FRMD4A: variants seen among roughly 807,000 people sequenced by gnomAD.
The protein encoded by FRMD4A is FERM domain containing 4A, also known as FERM domain-containing protein 4A.
A neutral mutation model predicts 129.1 loss-of-function variants in FRMD4A; 29 were observed. The ratio of observed to expected loss-of-function variants is 0.22; its 90% CI spans 0.17 to 0.31. FRMD4A has a LOEUF of 0.31. Among genes scored for constraint, FRMD4A ranks in the 10% least tolerant of loss-of-function variants. The pLI is 1.00. For synonymous variants in FRMD4A, 634 were observed against 571.6 expected (o/e 1.11, Z -1.56); for missense variants, 1,272 against 1,375.8 (o/e 0.92, Z 1.19).
At chr10:14,173,543 G>T (rs1445927445) in intron 2 of FRMD4A, among the ~76,000 whole-genome samples, 1 of 152,238 alleles carries the variant, frequency 6.6e-6, no homozygotes, top group East Asian at 1.9e-4. Context: ...GGATTCCCTG[G>T]TCCTCCTGCT....
intron 23 of FRMD4A, chr10:13,653,153 G>GTGTT (rs1182437426): frequency 1.3e-5 from 2 of 152,076 alleles, no homozygotes; most frequent in African/African-American, 4.8e-5. Flanking sequence ...CACTCAGTAA[G>GTGTT]TGTTAGGACC....
At chr10:14,007,981 T>G (rs1451904218) in intron 2 of FRMD4A, 8 of 1,270,268 alleles carry the variant, frequency 6.3e-6, no homozygotes, top group Non-Finnish European at 8.3e-6. Flanking sequence ...GTAACAGAAG[T>G]AACGCGGTAT....
At chr10:13,786,376 G>T (rs1331232110) in intron 5 of FRMD4A, among the ~76,000 whole-genome samples, 4 of 152,206 alleles carry the variant, frequency 2.6e-5, no homozygotes, top group Non-Finnish European at 4.4e-5. Context: ...AGGCCAAGAT[G>T]TGTGGATCAA....
intron 2 of FRMD4A, among the ~76,000 whole-genome samples, chr10:14,183,150 C>G (rs1013388084): frequency 6.6e-6 from 1 of 152,118 alleles, no homozygotes; most frequent in African/African-American, 2.4e-5. Flanking sequence ...TAAGTGATCT[C>G]CAGATTATAT....
rs571176783 is a variant in FRMD4A, at chr10:14,283,660, T to C, written c.45+46398A>G. Among the ~76,000 whole-genome samples the C allele has an allele frequency of 2.6e-5, 4 of 152,314 alleles. No individual in the cohort carries two copies. The East Asian group carries it at 5.8e-4, about 22-fold the overall frequency. ...TCACCTCATAATTACAAGGATTCCTTTGATAATGTGTAATGTTGGCCTTCA... is the reference window on the plus strand; with the variant it reads ...TCACCTCATAATTACAAGGATTCCTCTGATAATGTGTAATGTTGGCCTTCA... On this transcript the variant is annotated intron_variant, in intron 2 of 24. Transcript: ENST00000357447.
intron 2 of FRMD4A, among the ~76,000 whole-genome samples, chr10:13,924,980 C>T (rs1312724333): frequency 1.4e-5 from 2 of 147,940 alleles, no homozygotes; most frequent in Admixed American, 1.4e-4. Context: ...AGGAGAATCA[C>T]TTGAACCTGG....
intron 11 of FRMD4A, 117 bp downstream of exon 11, chr10:13,740,077 A>T: frequency 1.4e-6 from 1 of 718,318 alleles, no homozygotes; most frequent in South Asian, 1.7e-5. Context: ...CCAGCCTGGG[A>T]GACAAAGCAA....
Position 13,659,460 on chromosome 10 carries a change from G to A in FRMD4A, c.1929C>T (p.Ser643=), listed in dbSNP as rs1408271702. ...SSHKRFPSTG[S]CAEAGGGSNS... ...TGCTTCCTCCGCCGGCTTCCGCACA[G>A]CTTCCTGTGCTGGGGAAGCGCTTGT... Residue 643 remains serine (S), a synonymous_variant, in exon 21 of 25, where the codon AGC becomes AGT. Transcript: ENST00000357447. 6.2e-7 allele frequency: 1 copy of A among 1,613,696 alleles called. No homozygotes were observed. The highest frequency in any genetic ancestry group is 8.5e-7 in the Non-Finnish European group (1 of 1,179,934).
At chr10:14,016,306 T>C (rs1001093231) in intron 2 of FRMD4A, among the ~76,000 whole-genome samples, 2 of 152,216 alleles carry the variant, frequency 1.3e-5, no homozygotes, top group South Asian at 2.1e-4. Context: ...GCATCAGTCA[T>C]AGAGAATGTC....
At chr10:13,866,256 C>T (rs1027353581) in intron 2 of FRMD4A, 1 of 970,958 alleles carries the variant, frequency 1.0e-6, no homozygotes, top group Admixed American at 6.2e-5. Flanking sequence ...CTACCAGTGA[C>T]TTACCGCTGA....
intron 8 of FRMD4A, among the ~76,000 whole-genome samples, chr10:13,757,381 C>T (rs2091908507): frequency 6.6e-6 from 1 of 152,194 alleles, no homozygotes; most frequent in South Asian, 2.1e-4. Flanking sequence ...AGACTATTTC[C>T]TAAACCTTTA....
intron 2 of FRMD4A, among the ~76,000 whole-genome samples, chr10:14,308,789 C>A (rs1417152817): frequency 1.3e-5 from 2 of 152,198 alleles, no homozygotes; most frequent in Non-Finnish European, 2.9e-5. Context: ...CCCCCATAAT[C>A]ACATGGTACT....
chr10:13,862,954 C>G (rs199747090), intron 2 of FRMD4A, among the ~76,000 whole-genome samples: 1 of 138,306 alleles, frequency 7.2e-6, no homozygotes. Context: ...TTTTTTGTTT[C>G]TTTTTTTTTT....
At chr10:14,052,024 G>C (rs912835364) in intron 2 of FRMD4A, among the ~76,000 whole-genome samples, 2 of 152,188 alleles carry the variant, frequency 1.3e-5, no homozygotes, top group African/African-American at 4.8e-5. Flanking sequence ...AGTATAGCTG[G>C]TATTCTTGTA....
At chr10:14,050,857 C>T (rs768872881) in intron 2 of FRMD4A, among the ~76,000 whole-genome samples, 1 of 152,212 alleles carries the variant, frequency 6.6e-6, no homozygotes, top group South Asian at 2.1e-4. Flanking sequence ...TGCACCTCTT[C>T]CATTTGGCTG....
At chr10:14,142,681 G>A (rs1325085538) in intron 2 of FRMD4A, among the ~76,000 whole-genome samples, 1 of 152,212 alleles carries the variant, frequency 6.6e-6, no homozygotes, top group Non-Finnish European at 1.5e-5. Flanking sequence ...GAGTCCAGAT[G>A]GGTAAAGAGA....
intron 2 of FRMD4A, among the ~76,000 whole-genome samples, chr10:13,950,516 A>T (rs2095363824): frequency 6.6e-6 from 1 of 152,182 alleles, no homozygotes; most frequent in South Asian, 2.1e-4. Context: ...AAATAATTGT[A>T]AAAAAATGCC....
chr10:13,650,760 C>A (rs900335466), intron 24 of FRMD4A, among the ~76,000 whole-genome samples: 17 of 152,174 alleles, frequency 1.1e-4, no homozygotes, highest in African/African-American at 3.9e-4. Context: ...ACAAGACTCT[C>A]TACTGTTAAC....
chr10:14,312,514 C>T (rs1252280966), intron 2 of FRMD4A, among the ~76,000 whole-genome samples: 1 of 152,164 alleles, frequency 6.6e-6, no homozygotes, highest in African/African-American at 2.4e-5. Flanking sequence ...CTACATTATA[C>T]ACAAGCCATA....
Sources: allele counts gnomAD v4.1 joint callset (sites outside exome capture counted in the v4.1 genomes callset), GRCh38; gene constraint gnomAD v4.1.1; transcripts MANE v1.5; gene names NCBI Gene and HGNC (gene_info 2026-07-23, HGNC 2026-07-21).